Variants in CASD1 observed in about 807,000 individuals in gnomAD.
The protein encoded by CASD1 is CAS1 domain sialic acid O acetyltransferase 1.
A neutral mutation model predicts 100.0 loss-of-function variants in CASD1; 41 were observed. The ratio of observed to expected loss-of-function variants is 0.41; its 90% CI spans 0.32 to 0.53. The LOEUF (loss-of-function observed/expected upper bound fraction) is 0.53. Ranked by LOEUF, CASD1 falls within the 20% of genes least tolerant of loss-of-function variation. CASD1 has a pLI of 0.25. For synonymous variants in CASD1, 321 were observed against 315.6 expected (o/e 1.02, Z -0.18); for missense variants, 774 against 948.7 (o/e 0.82, Z 2.42).
the CASD1 span, chr7:94,586,666 A>AT: frequency 0.12 from 20,382 of 176,906 alleles, 4,458 homozygotes; most frequent in African/African-American, 0.46. Flanking sequence ...TGCCCAGCTA[A>AT]TTTTTGTATT....
At chr7:94,572,259 T>C in the CASD1 span, among the ~76,000 whole-genome samples, 1 of 152,182 alleles carries the variant, frequency 6.6e-6, no homozygotes, top group African/African-American at 2.4e-5. Flanking sequence ...TTAAAGTTTA[T>C]TTTTCTGATA....
At chr7:94,564,233 G>T in the CASD1 span, among the ~76,000 whole-genome samples, 12 of 152,206 alleles carry the variant, frequency 7.9e-5, no homozygotes, top group Non-Finnish European at 1.5e-4. Context: ...ATGAAACTGT[G>T]TCTGGCACAA....
chr7:94,512,480 G>A (rs1050228416), intron 1 of CASD1, among the ~76,000 whole-genome samples: 1 of 152,176 alleles, frequency 6.6e-6, no homozygotes, highest in African/African-American at 2.4e-5. Flanking sequence ...ATGCAGTTTG[G>A]ATATACATAT....
chr7:94,558,030 G>C (rs140712838), downstream of CASD1, among the ~76,000 whole-genome samples: 1 of 152,154 alleles, frequency 6.6e-6, no homozygotes, highest in Non-Finnish European at 1.5e-5. Flanking sequence ...TCTAAATTCA[G>C]ATTTTTCTGT....
the CASD1 span, chr7:94,588,235 CGGCTTTAAAACCA>C: frequency 4.0e-5 from 42 of 1,044,180 alleles, no homozygotes; most frequent in Non-Finnish European, 4.8e-5. Flanking sequence ...CTTTTTAAAG[CGGCTTTAAAACCA>C]GGCCAGCCAT....
the CASD1 span, among the ~76,000 whole-genome samples, chr7:94,572,571 GGTT>G: frequency 6.6e-6 from 1 of 152,060 alleles, no homozygotes; most frequent in African/African-American, 2.4e-5. Flanking sequence ...TTTTTAATGG[GGTT>G]GTTTGTTTTT....
chr7:94,599,090 A>C, the CASD1 span: 5 of 671,390 alleles, frequency 7.4e-6, no homozygotes, highest in South Asian at 9.9e-5. Context: ...CACTTTGGGC[A>C]TTCAATAAAC....
At position 94,509,821 on chromosome 7, in the gene CASD1, C is replaced by T. The variant is rs1793590268; in HGVS notation, c.-264C>T. 1.0e-6 allele frequency: 1 copy of T among 997,054 alleles called. No homozygotes were observed. Among genetic ancestry groups the T allele is most frequent in the African/African-American group, 1.7e-5 (1 of 57,368 alleles). The allele number at this position is 997,054 out of a possible 1,614,324, so 61.8% of individuals were successfully genotyped here. On this transcript the variant is annotated 5_prime_UTR_variant, in exon 1 of 18. Coordinates refer to ENST00000297273, the MANE Select transcript of CASD1 (RefSeq NM_022900.5). ...GGAGGAAGGGGAGGAGACAGGCGTC[C>T]AGGGCGCCTGGGGAACCGGCACGGC...
chr7:94,576,431 G>A, the CASD1 span, among the ~76,000 whole-genome samples: 78 of 152,294 alleles, frequency 5.1e-4, 1 homozygote, highest in Non-Finnish European at 9.7e-4. Context: ...GAACCATGCT[G>A]TATTTATGGT....
intron 10 of CASD1, among the ~76,000 whole-genome samples, chr7:94,539,357 T>C (rs1795271996): frequency 6.6e-6 from 1 of 152,168 alleles, no homozygotes; most frequent in South Asian, 2.1e-4. Context: ...ATTGAACAGC[T>C]AATTTGAAGT....
chr7:94,607,221 T>C, the CASD1 span, among the ~76,000 whole-genome samples: 1 of 152,132 alleles, frequency 6.6e-6, no homozygotes, highest in Non-Finnish European at 1.5e-5. Flanking sequence ...TACTAGACAT[T>C]TAAGGGAGAA....
the CASD1 span, chr7:94,587,567 T>A: frequency 1.5e-6 from 2 of 1,330,264 alleles, no homozygotes; most frequent in Non-Finnish European, 1.9e-6. Flanking sequence ...ATTTATCTTT[T>A]TTCTCTCTTT....
At chr7:94,553,209 G>T in intron 16 of CASD1, 1 of 370,760 alleles carries the variant, frequency 2.7e-6, no homozygotes, top group South Asian at 2.3e-5. Flanking sequence ...CTCACAACCT[G>T]TGCTATAGTA....
At chr7:94,513,460 C>G (rs770155978) in intron 1 of CASD1, among the ~76,000 whole-genome samples, 4 of 152,052 alleles carry the variant, frequency 2.6e-5, no homozygotes, top group African/African-American at 9.7e-5. Flanking sequence ...ATTCCAGGTT[C>G]ACAATCTAAA....
intron 13 of CASD1, among the ~76,000 whole-genome samples, chr7:94,547,788 T>TTAA (rs1198530299): frequency 1.3e-5 from 2 of 151,850 alleles, no homozygotes; most frequent in Non-Finnish European, 2.9e-5. Flanking sequence ...GCATGATATT[T>TTAA]ATAACAACAC....
chr7:94,602,164 C>T, the CASD1 span, among the ~76,000 whole-genome samples: 12 of 152,110 alleles, frequency 7.9e-5, no homozygotes, highest in Admixed American at 7.2e-4. Flanking sequence ...GGGAGAGGAA[C>T]CTAAGTTATG....
chr7:94,544,352 G>C (rs958303452), intron 10 of CASD1, 59 bp from the exon 11 acceptor site: 1 of 1,590,630 alleles, frequency 6.3e-7, no homozygotes, highest in Non-Finnish European at 8.6e-7. Context: ...TACTTGTTAT[G>C]ATAATCCAAG....
the CASD1 span, chr7:94,625,410 G>A: frequency 4.0e-5 from 6 of 151,696 alleles, no homozygotes; most frequent in African/African-American, 1.2e-4. Flanking sequence ...AACACAGTAT[G>A]TTAGTCATAA....
the CASD1 span, among the ~76,000 whole-genome samples, chr7:94,602,482 C>G: frequency 4.0e-5 from 6 of 151,860 alleles, no homozygotes; most frequent in Non-Finnish European, 8.8e-5. Context: ...CAACTTTAAA[C>G]TTAGATCTAA....
Sources: gnomAD v4.1 joint callset for allele counts (sites outside exome capture counted in the v4.1 genomes callset) on GRCh38, gnomAD v4.1.1 for gene constraint, MANE v1.5 for transcripts, NCBI Gene and HGNC (gene_info 2026-07-23, HGNC 2026-07-21) for gene names.